Variants in ZNF732 observed in about 807,000 individuals in gnomAD.
ZNF732 encodes zinc finger protein LOC654254.
ZNF732 carries 12 observed loss-of-function variants against 11.5 expected under a neutral mutation model. That is an observed-to-expected ratio of 1.05 (90% confidence interval 0.67 to 1.70). ZNF732 has a LOEUF of 1.70. ZNF732 is among the 40% of genes most tolerant of loss of function. The pLI, the probability that ZNF732 is intolerant of heterozygous loss-of-function variation, is 0.00. For missense variants in ZNF732, 702 were observed against 676.9 expected, an observed-to-expected ratio of 1.04 and a Z score of -0.41; for synonymous variants, 231 against 236.5, an observed-to-expected ratio of 0.98 and a Z score of 0.21.
chr4:294,859 C>T (rs1194414876), intron 3 of ZNF732, among the ~76,000 whole-genome samples: 7 of 152,098 alleles, frequency 4.6e-5, no homozygotes, highest in East Asian at 1.9e-4. Context: ...TATACTAAAA[C>T]GATAACATTC....
Position 296,042 on chromosome 4 carries a change from G to C in ZNF732, c.117C>G (p.Asn39Lys), listed in dbSNP as rs781831394. The C allele has an allele frequency of 1.2e-6, 2 of 1,613,188 alleles. No homozygotes were observed. Among genetic ancestry groups the C allele is most frequent in the Non-Finnish European group, 1.7e-6 (2 of 1,179,756 alleles). ...YRDVMLENYR[N>K]LISLGVAISN... ...AGTTATCCTCACCCAGGGAGATCAG[G>C]TTCCTGTAGTTCTCCAACATCACAT... The change falls in exon 2 of 4, where the codon AAC becomes AAG. Residue 39 changes from asparagine (N) to lysine (K), a missense_variant. By Grantham distance (94) the Asn-to-Lys change is moderately conservative (BLOSUM62 0). Coordinates refer to ENST00000419098, the MANE Select transcript of ZNF732 (RefSeq NM_001137608.3).
intron 3 of ZNF732, among the ~76,000 whole-genome samples, chr4:289,048 C>T (rs771196918): frequency 2.0e-5 from 3 of 152,210 alleles, no homozygotes; most frequent in Non-Finnish European, 4.4e-5. Context: ...TTCTGTTTCT[C>T]AGGAGGCCCC....
chr4:305,409 CGCCT>C lies in ZNF732; in HGVS notation c.-103_-100del. Reference sequence around the variant, plus strand: ...GCTGAGGCTGTGACCGAATCACCGACGCCTCCCTGAGGGGTGAAAGCACGGCCGT... The same window carrying C: ...GCTGAGGCTGTGACCGAATCACCGACCCCTGAGGGGTGAAAGCACGGCCGT... On this transcript the variant is annotated 5_prime_UTR_variant, in exon 1 of 4. Transcript: ENST00000419098. 1 of 1,557,782 alleles carries C rather than the reference CGCCT, an allele frequency of 6.4e-7. No homozygotes were observed. Among genetic ancestry groups the C allele is most frequent in the Non-Finnish European group, 8.7e-7 (1 of 1,143,910 alleles).
chr4:304,298 C>G (rs569049430), intron 1 of ZNF732, among the ~76,000 whole-genome samples: 13,459 of 148,836 alleles, frequency 0.09, 654 homozygotes, highest in Middle Eastern at 0.15. Flanking sequence ...TCTAAGTTCC[C>G]AGTCCCTTCT....
intron 3 of ZNF732, among the ~76,000 whole-genome samples, chr4:292,629 A>G (rs1250062971): frequency 3.3e-5 from 5 of 151,868 alleles, no homozygotes; most frequent in Admixed American, 3.3e-4. Context: ...AAGCAAAACA[A>G]TAATGATGAT....
At chr4:284,957 A>G (rs1055720838) in intron 3 of ZNF732, among the ~76,000 whole-genome samples, 5 of 152,044 alleles carry the variant, frequency 3.3e-5, no homozygotes, top group African/African-American at 1.2e-4. Flanking sequence ...ATTTACATAT[A>G]AAAGTTTTCT....
chr4:272,010 A>T lies in ZNF732; in HGVS notation c.847T>A (p.Cys283Ser). Residue 283 changes from cysteine (C) to serine (S), a missense_variant, in exon 4 of 4, where the codon TGT becomes AGT. Cys to Ser is a moderately radical substitution (Grantham distance 112). Transcript: ENST00000419098. Reference protein sequence around the residue: ...AEEKPFTCEECGKIITSSSNV... With the variant: ...AEEKPFTCEESGKIITSSSNV... ...GAGGATGAGGTAATGATTTTGCCAC[A>T]TTCTTCACATGTGAAGGGTTTCTCT... 2 of 1,609,514 alleles carry T rather than the reference A, an allele frequency of 1.2e-6. No homozygotes were observed. The highest frequency in any genetic ancestry group is 1.7e-6 in the Non-Finnish European group (2 of 1,177,670).
Position 296,109 on chromosome 4 carries a change from T to C in ZNF732, c.50A>G (p.Glu17Gly). The change falls in exon 2 of 4, where the codon GAG becomes GGG. Residue 17 changes from glutamate to glycine, a missense_variant. Physicochemically the swap from Glu to Gly is moderately conservative, Grantham distance 98. Around this residue, in one of 3 missense-constraint regions of ZNF732, gnomAD observed 596 missense variants for 557.9 expected, o/e 1.07. Coordinates refer to ENST00000419098, the MANE Select transcript of ZNF732 (RefSeq NM_001137608.3). ...RDVAIEFSPE[E>G]WKCLDPAQQN... Reference sequence around the variant, plus strand: ...CTGGGCAGGGTCCAGGCATTTCCACTCTTCTGGAGAGAATTCTATGGCCAC... The same window carrying C: ...CTGGGCAGGGTCCAGGCATTTCCACCCTTCTGGAGAGAATTCTATGGCCAC... 1 of 1,613,780 alleles carries C rather than the reference T, an allele frequency of 6.2e-7. No homozygotes were observed. Among genetic ancestry groups the C allele is most frequent in the Non-Finnish European group, 8.5e-7 (1 of 1,179,906 alleles).
chr4:303,736 G>C (rs12505835), intron 1 of ZNF732, among the ~76,000 whole-genome samples: 20,361 of 152,270 alleles, frequency 0.13, 1,821 homozygotes, highest in Admixed American at 0.24. Flanking sequence ...GTTTGCTCCT[G>C]CAACAGCCAG....
In ZNF732 at chr4:271,566, T is replaced by A. The variant is rs61792065; in HGVS notation, c.1291A>T (p.Thr431Ser). 2 of 1,611,700 alleles carry A rather than the reference T, an allele frequency of 1.2e-6. No individual in the cohort carries two copies. Among genetic ancestry groups the A allele is most frequent in the Non-Finnish European group, 8.5e-7 (1 of 1,178,816 alleles). ...EECGKAFGWS[T>S]DLNKHKIIHT... is the part of the protein sequence containing the mutation. The stretch of plus-strand genomic sequence containing the variant: ...ATTATCTTATGTTTATTCAGGTCTG[T>A]GGACCATCCAAAGGCTTTGCCACAC... Residue 431 changes from threonine (T) to serine (S), a missense_variant, in exon 4 of 4, where the codon ACA becomes TCA. Thr to Ser is a moderately conservative substitution (Grantham distance 58). Around this residue, in one of 3 missense-constraint regions of ZNF732, gnomAD observed 596 missense variants for 557.9 expected, o/e 1.07. Coordinates refer to ENST00000419098, the MANE Select transcript of ZNF732 (RefSeq NM_001137608.3).
intron 1 of ZNF732, among the ~76,000 whole-genome samples, chr4:297,981 A>G (rs1224761236): frequency 6.6e-6 from 1 of 152,158 alleles, no homozygotes; most frequent in African/African-American, 2.4e-5. Flanking sequence ...CCCAAGAGAA[A>G]TTTGATTCCC....
At chr4:283,270 A>G (rs910562974) in intron 3 of ZNF732, among the ~76,000 whole-genome samples, 1 of 152,210 alleles carries the variant, frequency 6.6e-6, no homozygotes, top group South Asian at 2.1e-4. Flanking sequence ...TATTCTTTAT[A>G]AATTACCAAC....
chr4:280,193 T>C (rs1719589410), intron 3 of ZNF732, among the ~76,000 whole-genome samples: 1 of 150,582 alleles, frequency 6.6e-6, no homozygotes, highest in African/African-American at 2.4e-5. Context: ...TGTAGATGTA[T>C]CATAAAAACA....
At chr4:285,269 T>A (rs1290766628) in intron 3 of ZNF732, among the ~76,000 whole-genome samples, 1 of 152,190 alleles carries the variant, frequency 6.6e-6, no homozygotes, top group Non-Finnish European at 1.5e-5. Flanking sequence ...GACTGGTTAC[T>A]GCTATAGATA....
intron 1 of ZNF732, among the ~76,000 whole-genome samples, chr4:303,420 C>A (rs1172941176): frequency 6.6e-6 from 1 of 152,104 alleles, no homozygotes; most frequent in African/African-American, 2.4e-5. Context: ...AGTTCGAGAC[C>A]AGCCTGGCCA....
At chr4:277,154 TACAGATTTAAATGGG>T (rs1560157624) in intron 3 of ZNF732, among the ~76,000 whole-genome samples, 3 of 151,882 alleles carry the variant, frequency 2.0e-5, no homozygotes, top group Non-Finnish European at 1.5e-5. Context: ...CAATCACAAA[TACAGATTTAAATGGG>T]AAACTCAAAC....
Position 300,469 on chromosome 4 carries a change from A to AAAAG in ZNF732, c.4-4315_4-4314insCTTT, listed in dbSNP as rs1553843439. 6.0e-4 allele frequency among the ~76,000 whole-genome samples: 91 copies of AAAAG among 151,352 alleles called. 1 individual carries two copies. The highest frequency in any genetic ancestry group is 2.1e-3 in the African/African-American group (87 of 41,194). On this transcript the variant is annotated intron_variant, in intron 1 of 3. Coordinates refer to ENST00000419098, the MANE Select transcript of ZNF732 (RefSeq NM_001137608.3). ...GACTCTGTCTCAAAAAAAAAAAAAAAAAAAAGAAAAGAAAAGAAAAAATTA... is the reference window on the plus strand; with the variant it reads ...GACTCTGTCTCAAAAAAAAAAAAAAAAAAGAAAAAGAAAAGAAAAGAAAAAATTA...
Position 270,999 on chromosome 4 carries a change from C to T in ZNF732, c.*100G>A, listed in dbSNP as rs1553837086. On this transcript the variant is annotated 3_prime_UTR_variant, in exon 4 of 4. Transcript: ENST00000419098. Reference sequence around the variant, plus strand: ...GTTGTGGACCATCCAAAAGCTTTGCCACATTCTTCACATTTGTATAGTTTA... The same window carrying T: ...GTTGTGGACCATCCAAAAGCTTTGCTACATTCTTCACATTTGTATAGTTTA... 2.7e-5 allele frequency: 28 copies of T among 1,053,896 alleles called. No homozygotes were observed. The highest frequency in any genetic ancestry group is 1.4e-6 in the Non-Finnish European group (1 of 721,008). The allele number at this position is 1,053,896 out of a possible 1,614,324, so 65.3% of individuals were successfully genotyped here. A position where few individuals can be genotyped will look rare whatever the true frequency, so the allele number is the denominator to read the frequency against.
chr4:295,436 A>G lies in ZNF732; in HGVS notation c.226+2T>C. 2.5e-6 allele frequency: 4 copies of G among 1,601,258 alleles called. No individual in the cohort carries two copies. The highest frequency in any genetic ancestry group is 3.4e-6 in the Non-Finnish European group (4 of 1,173,488). On this transcript the variant is annotated splice_donor_variant, in intron 3 of 3. Transcript: ENST00000419098. LOFTEE classifies it high-confidence loss of function. ...TCCTCTCCTTCATTCACTGTCACCT[A>G]CCTGGGTGTTTGGCTACTGTCTCAT...
Sources: allele counts gnomAD v4.1 joint callset (sites outside exome capture counted in the v4.1 genomes callset), GRCh38; gene constraint gnomAD v4.1.1; regional missense constraint gnomAD v4.1.1; transcripts MANE v1.5; gene names NCBI Gene and HGNC (gene_info 2026-07-23, HGNC 2026-07-21).